The following NMNAT2 variants were observed in gnomAD, a reference collection of about 807,000 sequenced individuals.
NMNAT2 encodes nicotinamide/nicotinic acid mononucleotide adenylyltransferase 2.
NMNAT2 carries 11 observed loss-of-function variants against 41.6 expected under a neutral mutation model. That is an observed-to-expected ratio of 0.26 (90% CI 0.17 to 0.44). NMNAT2 has a LOEUF of 0.44. Ranked by LOEUF, NMNAT2 falls within the 20% of genes least tolerant of loss-of-function variation. The probability of loss-of-function intolerance (pLI) is 1.00; values close to 1 mark genes in which losing one functional copy is unlikely to be tolerated. For missense variants in NMNAT2, 288 were observed against 407.7 expected (o/e 0.71, Z 2.53); for synonymous variants, 148 against 151.2 (o/e 0.98, Z 0.16).
intron 1 of NMNAT2, among the ~76,000 whole-genome samples, chr1:183,367,274 C>A (rs937271460): frequency 2.0e-5 from 3 of 152,084 alleles, no homozygotes; most frequent in African/African-American, 7.2e-5. Flanking sequence ...GCCTGACCAA[C>A]ATGGAGAAAA....
At chr1:183,316,604 C>A (rs895336114) in intron 1 of NMNAT2, among the ~76,000 whole-genome samples, 1 of 152,186 alleles carries the variant, frequency 6.6e-6, no homozygotes, top group Non-Finnish European at 1.5e-5. Flanking sequence ...CCTGAGCTGT[C>A]CAGGCACGGG....
chr1:183,386,052 C>T (rs1247674464), intron 1 of NMNAT2, among the ~76,000 whole-genome samples: 2 of 152,052 alleles, frequency 1.3e-5, no homozygotes, highest in Admixed American at 6.6e-5. Context: ...AGACCGGACG[C>T]TACTTGGGAG....
At chr1:183,325,033 C>T (rs1353365492) in intron 1 of NMNAT2, among the ~76,000 whole-genome samples, 1 of 152,194 alleles carries the variant, frequency 6.6e-6, no homozygotes, top group African/African-American at 2.4e-5. Flanking sequence ...ACAAAGCAGA[C>T]CCCGAGGAAC....
At chr1:183,254,923 T>C (rs1432699668) in intron 10 of NMNAT2, among the ~76,000 whole-genome samples, 1 of 152,224 alleles carries the variant, frequency 6.6e-6, no homozygotes, top group East Asian at 1.9e-4. Flanking sequence ...TAGTTTGAAG[T>C]CCCATTTATT....
At chr1:183,289,025 C>A (rs1661466002) in intron 4 of NMNAT2, among the ~76,000 whole-genome samples, 1 of 152,218 alleles carries the variant, frequency 6.6e-6, no homozygotes, top group African/African-American at 2.4e-5. Flanking sequence ...CTCACTTGCC[C>A]TTAGCTCCCC....
At chr1:183,389,768 GAAAGAAAGAAA>G (rs1648390317) in intron 1 of NMNAT2, among the ~76,000 whole-genome samples, 1 of 33,814 alleles carries the variant, frequency 3.0e-5, no homozygotes, top group South Asian at 1.0e-3. Context: ...AAGAAAGAAA[GAAAGAAAGAAA>G]GAAAGAAAGA....
At chr1:183,329,790 T>C (rs1662542122) in intron 1 of NMNAT2, among the ~76,000 whole-genome samples, 1 of 152,210 alleles carries the variant, frequency 6.6e-6, no homozygotes, top group East Asian at 1.9e-4. Flanking sequence ...ATGGGGGCAT[T>C]GCAAGCATCC....
At chr1:183,386,522 CATA>C (rs1207359948) in intron 1 of NMNAT2, among the ~76,000 whole-genome samples, 3 of 152,030 alleles carry the variant, frequency 2.0e-5, no homozygotes, top group East Asian at 3.9e-4. Flanking sequence ...TTAACACAAA[CATA>C]ATAATTATTT....
At chr1:183,388,817 A>G (rs765953901) in intron 1 of NMNAT2, among the ~76,000 whole-genome samples, 1 of 152,226 alleles carries the variant, frequency 6.6e-6, no homozygotes, top group Non-Finnish European at 1.5e-5. Context: ...GTGCCCTAGA[A>G]CAATGCCTGG....
chr1:183,311,311 T>C (rs891292147), intron 1 of NMNAT2, among the ~76,000 whole-genome samples: 3 of 152,208 alleles, frequency 2.0e-5, no homozygotes, highest in African/African-American at 4.8e-5. Flanking sequence ...GAAAGCCTCT[T>C]TCTCCTTACA....
chr1:183,312,959 T>C (rs1233846525), intron 1 of NMNAT2, among the ~76,000 whole-genome samples: 2 of 152,174 alleles, frequency 1.3e-5, no homozygotes, highest in Non-Finnish European at 2.9e-5. Context: ...TTCTTGTAAT[T>C]ATTCAAGGTT....
intron 1 of NMNAT2, 152 bp downstream of exon 1, chr1:183,418,031 C>A: frequency 1.4e-6 from 1 of 715,936 alleles, no homozygotes. Flanking sequence ...CCCCTGAGTC[C>A]AAAATGAAGG....
chr1:183,402,023 A>G (rs1318941134), intron 1 of NMNAT2, among the ~76,000 whole-genome samples: 2 of 152,126 alleles, frequency 1.3e-5, no homozygotes, highest in African/African-American at 4.8e-5. Flanking sequence ...TACATATGTA[A>G]CAAACCTGCA....
chr1:183,359,956 C>T (rs1663270523), intron 1 of NMNAT2, among the ~76,000 whole-genome samples: 2 of 152,166 alleles, frequency 1.3e-5, no homozygotes. Flanking sequence ...AGCATATACT[C>T]ATCCTTATAT....
At chr1:183,342,007 A>G (rs1202992300) in intron 1 of NMNAT2, among the ~76,000 whole-genome samples, 1 of 145,382 alleles carries the variant, frequency 6.9e-6, no homozygotes. Context: ...GGTTGTCTTT[A>G]TCTTCCTTCC....
chr1:183,403,442 C>A (rs944653549), intron 1 of NMNAT2, among the ~76,000 whole-genome samples: 1 of 69,548 alleles, frequency 1.4e-5, no homozygotes, highest in Admixed American at 1.2e-4. Context: ...GAGGAACAAC[C>A]CCCCCCCCCA....
chr1:183,307,573 G>A (rs1662022279), intron 1 of NMNAT2, among the ~76,000 whole-genome samples: 1 of 152,044 alleles, frequency 6.6e-6, no homozygotes, highest in Non-Finnish European at 1.5e-5. Context: ...TTACCAAGTA[G>A]CTGGAATTAC....
At chr1:183,252,882 C>A in intron 10 of NMNAT2, 139 bp from the exon 11 acceptor site, 1 of 620,272 alleles carries the variant, frequency 1.6e-6, no homozygotes, top group Non-Finnish European at 2.9e-6. Context: ...AGGAAAGGCC[C>A]TCTTGCCTCC....
At chr1:183,292,736 C>A (rs747084563) in intron 3 of NMNAT2, 54 bp downstream of exon 3, 21 of 1,513,402 alleles carry the variant, frequency 1.4e-5, no homozygotes, top group Non-Finnish European at 1.9e-5. Flanking sequence ...TTCCCCACCC[C>A]ACTCCCAGTA....
Sources: gnomAD v4.1 joint callset for allele counts (sites outside exome capture counted in the v4.1 genomes callset) on GRCh38, gnomAD v4.1.1 for gene constraint, MANE v1.5 for transcripts, NCBI Gene and HGNC (gene_info 2026-07-23, HGNC 2026-07-21) for gene names.